TRPS1: variants seen among roughly 807,000 people sequenced by gnomAD.
TRPS1 encodes transcriptional repressor GATA binding 1.
In TRPS1, 6 loss-of-function variants were observed where a neutral mutation model predicts 101.2. That is an observed-to-expected ratio of 0.06 (90% confidence interval 0.03 to 0.12). The LOEUF (loss-of-function observed/expected upper bound fraction) is 0.12. Among genes scored for constraint, TRPS1 ranks in the 10% least tolerant of loss-of-function variants. The pLI is 1.00. For synonymous variants in TRPS1, 578 were observed against 589.8 expected (o/e 0.98, Z 0.29); for missense variants, 1,363 against 1,567.0 (o/e 0.87, Z 2.20).
intron 5 of TRPS1, among the ~76,000 whole-genome samples, chr8:115,479,726 T>C (rs1814704308): frequency 6.6e-6 from 1 of 152,114 alleles, no homozygotes; most frequent in Admixed American, 6.6e-5. Context: ...ACAGAATAAA[T>C]AAGTAGCAAA....
At chr8:115,507,024 C>T (rs1464132074) in intron 5 of TRPS1, among the ~76,000 whole-genome samples, 2 of 151,896 alleles carry the variant, frequency 1.3e-5, no homozygotes, top group East Asian at 3.9e-4. Flanking sequence ...GTTTTATCTC[C>T]CTTACAGTAA....
chr8:115,414,578 A>T lies in TRPS1; in HGVS notation c.3330T>A (p.Leu1110=). 5 of 1,613,952 alleles carry T rather than the reference A, an allele frequency of 3.1e-6. No homozygotes were observed. The highest frequency in any genetic ancestry group is 4.2e-6 in the Non-Finnish European group (5 of 1,179,942). The change falls in exon 7 of 7, where the codon CTT becomes CTA. Residue 1110 remains leucine, a synonymous_variant. Coordinates refer to ENST00000395715, the MANE Select transcript of TRPS1 (RefSeq NM_014112.5). This position sits in a 1 kb window ranked among gnomAD's most constrained non-coding sequence, Gnocchi z 4.8. The part of the protein sequence containing the change: ...IEKYQYPLFG[L]PFVHNDFQSE... ...TCTGGAAGTCATTATGTACAAAGGG[A>T]AGTCCAAAAAGTGGGTACTGGTACT... is the stretch of plus-strand genomic sequence containing the variant.
At chr8:115,519,602 C>CA (rs1196352569) in intron 5 of TRPS1, among the ~76,000 whole-genome samples, 2 of 150,962 alleles carry the variant, frequency 1.3e-5, no homozygotes, top group Admixed American at 6.6e-5. Context: ...GTGGTGCCAA[C>CA]AAAAAAACTA....
chr8:115,578,654 G>A (rs1817375555), intron 5 of TRPS1, among the ~76,000 whole-genome samples: 1 of 151,620 alleles, frequency 6.6e-6, no homozygotes, highest in Non-Finnish European at 1.5e-5. Context: ...AAAACAGGGA[G>A]GTACATGATC....
At chr8:115,608,677 A>G (rs1454378268) in intron 3 of TRPS1, among the ~76,000 whole-genome samples, 2 of 151,524 alleles carry the variant, frequency 1.3e-5, no homozygotes, top group Admixed American at 6.5e-5. Flanking sequence ...GCTGTCCAAT[A>G]GTACTTCCTG....
intron 5 of TRPS1, among the ~76,000 whole-genome samples, chr8:115,476,014 T>TAAGTGCAAGTAAAATCAGCATAAAATG (rs1586312131): frequency 4.0e-4 from 21 of 52,820 alleles, no homozygotes; most frequent in South Asian, 6.2e-4. Flanking sequence ...TCTTTTTTTT[T>TAAGTGCAAGTAAAATCAGCATAAAATG]TTTTTTTTTT....
At chr8:115,665,132 G>A (rs1008566602) in intron 1 of TRPS1, among the ~76,000 whole-genome samples, 6 of 152,206 alleles carry the variant, frequency 3.9e-5, no homozygotes, top group Middle Eastern at 3.4e-3. Flanking sequence ...TTCATGTTAT[G>A]AAAAATGTTT....
chr8:115,622,088 A>G (rs978093156), intron 2 of TRPS1, among the ~76,000 whole-genome samples: 1 of 152,190 alleles, frequency 6.6e-6, no homozygotes, highest in Admixed American at 6.5e-5. Flanking sequence ...CGTTGAGGCA[A>G]TGTAAACCTG....
In TRPS1 at chr8:115,414,091, T is replaced by C. The variant is rs2129744916; in HGVS notation, c.3817A>G (p.Thr1273Ala). ...CTATGCAGGCCCCTCTGGATATGTG[T>C]TGTGAAGTCATATTTGTCCGTGCAA... Reference protein sequence around the residue: ...HLCTDKYDFTTHIQRGLHRNN... With the variant: ...HLCTDKYDFTAHIQRGLHRNN... The change falls in exon 7 of 7, where the codon ACA becomes GCA. Residue 1273 changes from threonine (T) to alanine (A), a missense_variant. Thr to Ala is a moderately conservative substitution (Grantham distance 58). Transcript: ENST00000395715. This position sits in a 1 kb window ranked among gnomAD's most constrained non-coding sequence, Gnocchi z 4.8. 6.2e-7 allele frequency: 1 copy of C among 1,613,994 alleles called. No homozygotes were observed. The highest frequency in any genetic ancestry group is 8.5e-7 in the Non-Finnish European group (1 of 1,179,898).
chr8:115,600,932 T>C (rs887861662), intron 4 of TRPS1, among the ~76,000 whole-genome samples: 1 of 152,094 alleles, frequency 6.6e-6, no homozygotes, highest in African/African-American at 2.4e-5. Context: ...TTAGGGGTAT[T>C]ATAGGTAAAT....
intron 4 of TRPS1, among the ~76,000 whole-genome samples, chr8:115,590,400 T>C (rs925236767): frequency 6.6e-6 from 1 of 152,180 alleles, no homozygotes; most frequent in South Asian, 2.1e-4. Flanking sequence ...AATCCATGCC[T>C]ATAAATTAAA....
chr8:115,475,266 T>TTATATATATATA lies in TRPS1; in HGVS notation c.2701-56826_2701-56815dup, dbSNP rs33922102. Among the ~76,000 whole-genome samples the TTATATATATATA allele has an allele frequency of 2.3e-3, 280 of 123,928 alleles. 5 individuals carry two copies. Among genetic ancestry groups the TTATATATATATA allele is most frequent in the African/African-American group, 8.6e-3 (247 of 28,864 alleles). The allele number at this position is 123,928 out of a possible 152,430, so 81.3% of individuals were successfully genotyped here. On this transcript the variant is annotated intron_variant, in intron 5 of 6. Coordinates refer to ENST00000395715, the MANE Select transcript of TRPS1 (RefSeq NM_014112.5). ...TTTACTATATATTTTTGAATCACAG[T>TTATATATATATA]TATATATATATATATATATATATAT...
chr8:115,489,486 A>G (rs1814968361), intron 5 of TRPS1, among the ~76,000 whole-genome samples: 1 of 152,216 alleles, frequency 6.6e-6, no homozygotes, highest in South Asian at 2.1e-4. Context: ...AATTTGGTTC[A>G]GCAATCACAT....
At chr8:115,446,261 C>T (rs1813732298) in intron 5 of TRPS1, among the ~76,000 whole-genome samples, 1 of 151,104 alleles carries the variant, frequency 6.6e-6, no homozygotes, top group South Asian at 2.1e-4. Flanking sequence ...AAGGAATGTG[C>T]TGTGTATGTA....
intron 5 of TRPS1, among the ~76,000 whole-genome samples, chr8:115,444,072 T>TA (rs1413874207): frequency 4.6e-5 from 7 of 152,228 alleles, no homozygotes; most frequent in Admixed American, 1.3e-4. Context: ...AGTTTATCAT[T>TA]AGCATCTTAT....
chr8:115,533,743 G>T (rs940154926), intron 5 of TRPS1, among the ~76,000 whole-genome samples: 2 of 151,922 alleles, frequency 1.3e-5, no homozygotes, highest in African/African-American at 4.8e-5. Context: ...AGTTCTGAAG[G>T]CTGGGAGTCC....
intron 5 of TRPS1, among the ~76,000 whole-genome samples, chr8:115,533,129 T>G (rs1186744556): frequency 6.6e-6 from 1 of 152,174 alleles, no homozygotes; most frequent in Admixed American, 6.5e-5. Context: ...GGAGCAACAC[T>G]GAATGCTGGA....
At position 115,590,715 on chromosome 8, in the gene TRPS1, C is replaced by T. The variant is rs1000919798; in HGVS notation, c.2097-3111G>A. On this transcript the variant is annotated intron_variant, in intron 4 of 6. Transcript: ENST00000395715. ...CTGTATTCTACAATGTAAGTAACTT[C>T]GAATAATTTACTGAACCTGTCTCAG... 5.3e-5 allele frequency among the ~76,000 whole-genome samples: 8 copies of T among 152,210 alleles called. No individual in the cohort carries two copies. The South Asian group carries it at 8.3e-4, about 16-fold the overall frequency.
chr8:115,553,530 T>C (rs543344148), intron 5 of TRPS1, among the ~76,000 whole-genome samples: 2 of 152,178 alleles, frequency 1.3e-5, no homozygotes, highest in African/African-American at 2.4e-5. Context: ...TTATTGCTGC[T>C]TATCGTTTAT....
Sources: gnomAD v4.1 joint callset for allele counts (sites outside exome capture counted in the v4.1 genomes callset) on GRCh38, gnomAD v4.1.1 for gene constraint, Gnocchi (gnomAD v3.1) non-coding constraint, MANE v1.5 for transcripts, NCBI Gene and HGNC (gene_info 2026-07-23, HGNC 2026-07-21) for gene names.